The following ANO3 variants were observed in gnomAD, a reference collection of about 807,000 sequenced individuals.
ANO3 encodes anoctamin 3, also known as anoctamin-3.
In ANO3, 99 loss-of-function variants were observed where a neutral mutation model predicts 144.8. The observed-to-expected ratio is 0.68, with a 90% confidence interval of 0.58 to 0.81. ANO3 has a LOEUF of 0.81. Ranked by LOEUF, ANO3 falls within the 30% of genes least tolerant of loss-of-function variation. The pLI is 0.00. For synonymous variants in ANO3, 414 were observed against 392.6 expected, an observed-to-expected ratio of 1.05 and a Z score of -0.64; for missense variants, 905 against 1,202.2, an observed-to-expected ratio of 0.75 and a Z score of 3.66.
intron 1 of ANO3, among the ~76,000 whole-genome samples, chr11:26,233,418 C>G (rs1386775342): frequency 2.6e-5 from 4 of 152,112 alleles, no homozygotes; most frequent in African/African-American, 7.2e-5. Context: ...CTTAGGATGG[C>G]TATCTTTAAA....
chr11:26,287,632 A>G (rs1853839144), intron 1 of ANO3: 1 of 152,226 alleles, frequency 6.6e-6, no homozygotes, highest in African/African-American at 2.4e-5. Context: ...AGGCACAGAG[A>G]CTCTAAGCAA....
intron 14 of ANO3, among the ~76,000 whole-genome samples, chr11:26,583,859 A>G (rs1000202505): frequency 2.5e-4 from 38 of 152,126 alleles, no homozygotes; most frequent in African/African-American, 8.9e-4. Flanking sequence ...CTGATAAACT[A>G]TTGTTTCAAC....
At chr11:26,557,867 G>A (rs1490656090) in intron 13 of ANO3, among the ~76,000 whole-genome samples, 1 of 152,100 alleles carries the variant, frequency 6.6e-6, no homozygotes, top group Non-Finnish European at 1.5e-5. Flanking sequence ...AACTGTTCTT[G>A]TTGTCTCTAT....
upstream of ANO3, among the ~76,000 whole-genome samples, chr11:26,308,813 C>A (rs1018302921): frequency 2.0e-5 from 3 of 152,220 alleles, no homozygotes; most frequent in Non-Finnish European, 4.4e-5. Context: ...ATTGCTACCA[C>A]TTGCTGAATA....
intron 3 of ANO3, among the ~76,000 whole-genome samples, chr11:26,454,215 A>G (rs1859058171): frequency 6.6e-6 from 1 of 152,236 alleles, no homozygotes; most frequent in African/African-American, 2.4e-5. Flanking sequence ...AAGGCAAGGA[A>G]TAACTAAAAT....
chr11:26,254,102 A>G (rs1158048609), intron 1 of ANO3, among the ~76,000 whole-genome samples: 1 of 152,182 alleles, frequency 6.6e-6, no homozygotes, highest in African/African-American at 2.4e-5. Context: ...AACAAATTTA[A>G]CAGTTTAGGC....
rs190654473 is a variant in ANO3, at chr11:26,551,314, T to C, written c.1290-1935T>C. Among the ~76,000 whole-genome samples, 292 of 152,094 alleles carry C rather than the reference T, an allele frequency of 1.9e-3. 3 individuals carry two copies. The highest frequency in any genetic ancestry group is 0.017 in the Middle Eastern group (5 of 292). On this transcript the variant is annotated intron_variant, in intron 12 of 26. Coordinates refer to ENST00000256737, the MANE Select transcript of ANO3 (RefSeq NM_031418.4). The stretch of plus-strand genomic sequence containing the variant: ...ATACAAAACAAAAGAAAACCACAAT[T>C]TGAGTGGTTGTTTGGATTGTCAAGC...
intron 1 of ANO3, among the ~76,000 whole-genome samples, chr11:26,226,476 C>G (rs576637293): frequency 6.6e-6 from 1 of 152,182 alleles, no homozygotes; most frequent in South Asian, 2.1e-4. Flanking sequence ...ACCAGTCTAA[C>G]CCATCTAGTG....
At chr11:26,512,420 T>C (rs960590829) in intron 5 of ANO3, among the ~76,000 whole-genome samples, 1 of 152,178 alleles carries the variant, frequency 6.6e-6, no homozygotes, top group African/African-American at 2.4e-5. Flanking sequence ...AGTTTTTGAC[T>C]CCTGGGGAAA....
At chr11:26,406,676 AGTGTGTGTGTGTGTGTGTGTGTGTGT>A (rs72102663) in intron 1 of ANO3, among the ~76,000 whole-genome samples, 6 of 119,242 alleles carry the variant, frequency 5.0e-5, no homozygotes, top group African/African-American at 1.2e-4. Context: ...AATCTATGGC[AGTGTGTGTGTGTGTGTGTGTGTGTGT>A]GTGTGTGTGT....
chr11:26,650,744 G>A (rs1853505586), intron 24 of ANO3, among the ~76,000 whole-genome samples: 1 of 152,198 alleles, frequency 6.6e-6, no homozygotes, highest in Non-Finnish European at 1.5e-5. Flanking sequence ...GACAAAATAG[G>A]AAGTGTGCAT....
At chr11:26,571,129 A>G (rs1850808046) in intron 14 of ANO3, among the ~76,000 whole-genome samples, 1 of 152,124 alleles carries the variant, frequency 6.6e-6, no homozygotes, top group Non-Finnish European at 1.5e-5. Context: ...GGGAGTTTTC[A>G]GTCATAAAAT....
intron 1 of ANO3, among the ~76,000 whole-genome samples, chr11:26,366,512 G>T (rs558470940): frequency 6.6e-6 from 1 of 152,228 alleles, no homozygotes; most frequent in South Asian, 2.1e-4. Flanking sequence ...GGATGGCTGG[G>T]TCAAATGGTC....
At chr11:26,484,901 A>G (rs554918180) in intron 4 of ANO3, among the ~76,000 whole-genome samples, 203 of 152,314 alleles carry the variant, frequency 1.3e-3, no homozygotes, top group Non-Finnish European at 1.1e-3. Flanking sequence ...TTATGATTTA[A>G]TAACTGCCCT....
chr11:26,597,116 C>CACCGCTTT (rs1435841274), intron 14 of ANO3, among the ~76,000 whole-genome samples: 1 of 152,164 alleles, frequency 6.6e-6, no homozygotes, highest in African/African-American at 2.4e-5. Context: ...CAGTATTACT[C>CACCGCTTT]ACCGCTTTGG....
At chr11:26,212,011 G>A (rs1034805766) in intron 1 of ANO3, among the ~76,000 whole-genome samples, 4 of 152,186 alleles carry the variant, frequency 2.6e-5, no homozygotes, top group South Asian at 4.2e-4. Flanking sequence ...TGAACAATGA[G>A]AACACATAGA....
chr11:26,591,981 G>A (rs1209524663), intron 14 of ANO3, among the ~76,000 whole-genome samples: 1 of 152,170 alleles, frequency 6.6e-6, no homozygotes, highest in East Asian at 1.9e-4. Flanking sequence ...GAACTAGAGG[G>A]AAGGGACTTG....
intron 1 of ANO3, among the ~76,000 whole-genome samples, chr11:26,425,887 T>C (rs1019314663): frequency 2.6e-5 from 4 of 152,104 alleles, no homozygotes; most frequent in African/African-American, 9.7e-5. Flanking sequence ...AGTTTTCAAT[T>C]GGTTAATGGA....
chr11:26,259,364 A>C (rs941900886), intron 1 of ANO3, among the ~76,000 whole-genome samples: 2 of 152,108 alleles, frequency 1.3e-5, no homozygotes, highest in African/African-American at 4.8e-5. Context: ...AAAGTGATAA[A>C]AATGGCCAGG....
Sources: gnomAD v4.1 joint callset for allele counts (sites outside exome capture counted in the v4.1 genomes callset) on GRCh38, gnomAD v4.1.1 for gene constraint, MANE v1.5 for transcripts, NCBI Gene and HGNC (gene_info 2026-07-23, HGNC 2026-07-21) for gene names.